The following LAMA2 variants were observed in gnomAD, a reference collection of about 807,000 sequenced individuals.
The protein encoded by LAMA2 is laminin subunit alpha 2.
In LAMA2, 269 loss-of-function variants were observed where a neutral mutation model predicts 364.8. The ratio of observed to expected loss-of-function variants is 0.74; its 90% CI spans 0.67 to 0.82. LAMA2 has a LOEUF of 0.82. Ranked by LOEUF, LAMA2 falls within the 40% of genes least tolerant of loss-of-function variation. The pLI is 0.00. For missense variants in LAMA2, 3,807 were observed against 3,873.2 expected, an observed-to-expected ratio of 0.98 and a Z score of 0.45; for synonymous variants, 1,379 against 1,370.6, an observed-to-expected ratio of 1.01 and a Z score of -0.14.
intron 32 of LAMA2, among the ~76,000 whole-genome samples, chr6:129,360,345 A>G (rs529369507): frequency 1.3e-5 from 2 of 152,164 alleles, no homozygotes; most frequent in African/African-American, 4.8e-5. Context: ...TTGTTGCCAG[A>G]CACTTTGGAC....
chr6:129,462,988 C>G (rs1783335633), intron 49 of LAMA2, among the ~76,000 whole-genome samples: 1 of 151,920 alleles, frequency 6.6e-6, no homozygotes, highest in Non-Finnish European at 1.5e-5. Flanking sequence ...AAAGAGTAAT[C>G]TGTCAAAGAT....
At position 129,440,965 on chromosome 6, in the gene LAMA2, A is replaced by T. The variant is rs189718453; in HGVS notation, c.6235A>T (p.Thr2079Ser). The change falls in exon 43 of 65, where the codon ACG (threonine) becomes TCG (serine). Residue 2079 changes from threonine (T) to serine (S), a missense_variant. Thr to Ser is a moderately conservative substitution (Grantham distance 58, BLOSUM62 1). Transcript: ENST00000421865. Reference protein sequence around the residue: ...YNKLADSVAKTNAVVKDPSKN... With the variant: ...YNKLADSVAKSNAVVKDPSKN... ...TAAACTAGCAGACAGCGTCGCCAAA[A>T]CGAATGCTGTGGTTAAAGATCCTTC... The T allele has an allele frequency of 2.0e-5, 32 of 1,613,866 alleles. No individual in the cohort carries two copies. The East Asian group carries it at 7.1e-4, about 36-fold the overall frequency.
intron 58 of LAMA2, among the ~76,000 whole-genome samples, chr6:129,496,492 A>G (rs1785204573): frequency 6.6e-6 from 1 of 152,080 alleles, no homozygotes; most frequent in Admixed American, 6.6e-5. Context: ...GCACATTATA[A>G]TTAGTTATGA....
intron 1 of LAMA2, among the ~76,000 whole-genome samples, chr6:129,046,901 C>T (rs879579353): frequency 1.3e-5 from 2 of 152,136 alleles, no homozygotes; most frequent in East Asian, 3.9e-4. Flanking sequence ...ATAAGCCCAT[C>T]TTAGTAATAT....
At position 129,109,301 on chromosome 6, in the gene LAMA2, C is replaced by CA. The variant is rs1262962828; in HGVS notation, c.639+10889dup. ...GGCAACAGAACCCATGTTGTGTGGTCAAAGTACTGCAGAACTTCTCAAGCA... is the reference window on the plus strand; with the variant it reads ...GGCAACAGAACCCATGTTGTGTGGTCAAAAGTACTGCAGAACTTCTCAAGCA... On this transcript the variant is annotated intron_variant, in intron 4 of 64. Transcript: ENST00000421865. 5.3e-5 allele frequency among the ~76,000 whole-genome samples: 8 copies of CA among 152,190 alleles called. No individual in the cohort carries two copies. The South Asian group carries it at 6.2e-4, about 12-fold the overall frequency.
At chr6:129,115,079 C>T (rs868238343) in intron 4 of LAMA2, among the ~76,000 whole-genome samples, 1 of 151,878 alleles carries the variant, frequency 6.6e-6, no homozygotes, top group Non-Finnish European at 1.5e-5. Flanking sequence ...TTTCATTTCA[C>T]CCTCAGAGAT....
intron 37 of LAMA2, among the ~76,000 whole-genome samples, chr6:129,395,327 A>C (rs1779552392): frequency 1.3e-5 from 2 of 152,208 alleles, no homozygotes; most frequent in African/African-American, 4.8e-5. Flanking sequence ...TATTTATTTT[A>C]AGGTGGCATG....
intron 3 of LAMA2, among the ~76,000 whole-genome samples, chr6:129,095,783 G>A (rs765148938): frequency 6.6e-6 from 1 of 151,620 alleles, no homozygotes; most frequent in African/African-American, 2.4e-5. Flanking sequence ...AATTAGCCAG[G>A]CGCAGTGGCA....
intron 8 of LAMA2, 132 bp downstream of exon 8, chr6:129,154,815 C>A (rs1356631292): frequency 4.0e-6 from 3 of 753,832 alleles, no homozygotes; most frequent in Non-Finnish European, 4.4e-6. Context: ...TAAGTAGGAA[C>A]ATTTCGTAGT....
At chr6:129,509,635 A>G (rs1786408108) in intron 62 of LAMA2, among the ~76,000 whole-genome samples, 3 of 152,056 alleles carry the variant, frequency 2.0e-5, no homozygotes, top group African/African-American at 7.2e-5. Flanking sequence ...GTATGTTCTT[A>G]GAACCTTTAT....
intron 40 of LAMA2, among the ~76,000 whole-genome samples, chr6:129,404,280 T>C (rs561485721): frequency 1.7e-5 from 2 of 117,038 alleles, no homozygotes; most frequent in East Asian, 5.3e-4. Context: ...TCAAATGGCA[T>C]TAGTAAAAAA....
chr6:129,433,106 G>A (rs1398868114), intron 41 of LAMA2, among the ~76,000 whole-genome samples: 1 of 152,126 alleles, frequency 6.6e-6, no homozygotes, highest in Non-Finnish European at 1.5e-5. Context: ...TCCCAAACTT[G>A]TGACAGCTAC....
intron 29 of LAMA2, 111 bp from the exon 30 acceptor site, chr6:129,342,232 A>C (rs1350552732): frequency 1.2e-6 from 1 of 868,212 alleles, no homozygotes; most frequent in African/African-American, 1.7e-5. Flanking sequence ...TGTGTGTGTA[A>C]GAAAGTATAT....
chr6:129,345,946 A>T (rs1330123000), intron 30 of LAMA2, among the ~76,000 whole-genome samples: 1 of 152,160 alleles, frequency 6.6e-6, no homozygotes, highest in Non-Finnish European at 1.5e-5. Flanking sequence ...AAGACATAAA[A>T]ACAGATTCTG....
chr6:129,370,980 A>G (rs1409111972), intron 34 of LAMA2, among the ~76,000 whole-genome samples: 2 of 152,228 alleles, frequency 1.3e-5, no homozygotes, highest in Non-Finnish European at 2.9e-5. Context: ...TCAGAATCTC[A>G]TAGCAACAAT....
chr6:129,341,923 C>G (rs141950173), intron 29 of LAMA2, among the ~76,000 whole-genome samples: 33 of 152,330 alleles, frequency 2.2e-4, no homozygotes, highest in African/African-American at 7.7e-4. Context: ...TGGGCATGTG[C>G]CAAGGCCACA....
chr6:129,119,604 G>A (rs1353692314), intron 4 of LAMA2, among the ~76,000 whole-genome samples: 1 of 152,010 alleles, frequency 6.6e-6, no homozygotes, highest in African/African-American at 2.4e-5. Context: ...CTGGACTGCA[G>A]TGGCTCGATC....
intron 15 of LAMA2, among the ~76,000 whole-genome samples, chr6:129,265,808 T>A (rs1371633156): frequency 1.3e-5 from 2 of 152,100 alleles, no homozygotes; most frequent in Non-Finnish European, 2.9e-5. Flanking sequence ...GGCACGTGTA[T>A]ACCTATGTAA....
chr6:128,915,860 A>C lies in LAMA2; in HGVS notation c.112+32503A>C, dbSNP rs143764412. On this transcript the variant is annotated intron_variant, in intron 1 of 64. Coordinates refer to ENST00000421865, the MANE Select transcript of LAMA2 (RefSeq NM_000426.4). ...GTAGTGAAAACAACCGTGGGGGAAT[A>C]ATATAAGCTTAATCATTTGGTGATT... 2.0e-5 allele frequency among the ~76,000 whole-genome samples: 3 copies of C among 152,334 alleles called. No homozygotes were observed. In the East Asian group the frequency reaches 5.8e-4, roughly 29 times the overall value.
Sources: gnomAD v4.1 joint callset for allele counts (sites outside exome capture counted in the v4.1 genomes callset) on GRCh38, gnomAD v4.1.1 for gene constraint, MANE v1.5 for transcripts, NCBI Gene and HGNC (gene_info 2026-07-23, HGNC 2026-07-21) for gene names.